The following DGKD variants were observed in gnomAD, a reference collection of about 807,000 sequenced individuals.
DGKD encodes diacylglycerol kinase delta.
DGKD carries 68 observed loss-of-function variants against 154.4 expected under a neutral mutation model. That is an observed-to-expected ratio of 0.44 (90% confidence interval 0.36 to 0.54). The LOEUF is 0.54. DGKD is among the 20% of genes least tolerant of loss of function. The probability of loss-of-function intolerance (pLI) is 0.00; values close to 1 mark genes in which losing one functional copy is unlikely to be tolerated. For missense variants in DGKD, 1,343 were observed against 1,593.6 expected (o/e 0.84, Z 2.68); for synonymous variants, 693 against 638.0 (o/e 1.09, Z -1.30).
At chr2:233,392,728 T>C (rs1370320948) in intron 3 of DGKD, among the ~76,000 whole-genome samples, 1 of 152,232 alleles carries the variant, frequency 6.6e-6, no homozygotes, top group Non-Finnish European at 1.5e-5. Context: ...GTAATAGAAA[T>C]AAATCCTAAA....
intron 16 of DGKD, 51 bp downstream of exon 16, chr2:233,450,182 T>G: frequency 1.3e-6 from 2 of 1,545,234 alleles, no homozygotes; most frequent in South Asian, 1.2e-5. Flanking sequence ...TTGGTTTTGG[T>G]GAGACGTAGC....
chr2:233,460,815 C>A (rs1309369169), intron 24 of DGKD, among the ~76,000 whole-genome samples: 1 of 152,054 alleles, frequency 6.6e-6, no homozygotes, highest in African/African-American at 2.4e-5. Flanking sequence ...TCAGTCGAAC[C>A]CCAGAGGCGG....
Position 233,460,319 on chromosome 2 carries a change from G to T in DGKD, c.2955G>T (p.Gly985=). ...AGGCCACCCAGATGGACCAGTTTGG[G>T]CAGGCAGCAGGGGTCCTCATTCACA... ...EEEATQMDQF[G]QAAGVLIHSI... The change falls in exon 24 of 30, where the codon GGG becomes GGT. Residue 985 remains glycine (G), a synonymous_variant. Transcript: ENST00000264057. 1 of 1,614,040 alleles carries T rather than the reference G, an allele frequency of 6.2e-7. No homozygotes were observed. The highest frequency in any genetic ancestry group is 1.1e-5 in the South Asian group (1 of 91,088).
chr2:233,409,197 G>A (rs1230786573), intron 3 of DGKD: 3 of 152,178 alleles, frequency 2.0e-5, no homozygotes, highest in Non-Finnish European at 2.9e-5. Flanking sequence ...GATTGTATGT[G>A]TTTGAAAAAG....
rs954598166 is a variant in DGKD, at chr2:233,415,575, A to AGG, written c.349-18804_349-18803dup. On this transcript the variant is annotated intron_variant, in intron 3 of 29. Coordinates refer to ENST00000264057, the MANE Select transcript of DGKD (RefSeq NM_152879.3). ...AATTATCTCTGATCTTGATTTTTGT[A>AGG]GGAAATAGGCGTAGATTAAGGCATA... Among the ~76,000 whole-genome samples the AGG allele has an allele frequency of 1.1e-4, 17 of 152,320 alleles. No homozygotes were observed. In the East Asian group the frequency reaches 3.3e-3, roughly 29 times the overall value.
At chr2:233,425,211 G>A (rs1257928302) in intron 3 of DGKD, among the ~76,000 whole-genome samples, 1 of 151,676 alleles carries the variant, frequency 6.6e-6, no homozygotes, top group Admixed American at 6.6e-5. Flanking sequence ...TTTTAAGATG[G>A]AGTCACACCC....
At chr2:233,463,951 C>T (rs2063748104) in intron 26 of DGKD, 1 of 595,572 alleles carries the variant, frequency 1.7e-6, no homozygotes, top group African/African-American at 1.9e-5. Flanking sequence ...TCATCGTTGA[C>T]TGATGGACAG....
intron 1 of DGKD, chr2:233,386,263 C>A: frequency 3.3e-6 from 1 of 304,244 alleles, no homozygotes; most frequent in East Asian, 8.6e-5. Context: ...ACAGTGAGGC[C>A]TTTGAGGTCA....
At chr2:233,419,166 G>T (rs538578313) in intron 3 of DGKD, 3 of 958,900 alleles carry the variant, frequency 3.1e-6, no homozygotes, top group Non-Finnish European at 3.7e-6. Context: ...CTTTCCAAGC[G>T]CTGCAGCCCA....
At chr2:233,389,541 G>A (rs1040788482) in intron 2 of DGKD, among the ~76,000 whole-genome samples, 1 of 149,550 alleles carries the variant, frequency 6.7e-6, no homozygotes, top group Non-Finnish European at 1.5e-5. Context: ...AAAGCAGCTT[G>A]TTTAGAAAGG....
Position 233,446,728 on chromosome 2 carries a change from T to A in DGKD, c.1351T>A (p.Tyr451Asn). The A allele has an allele frequency of 6.2e-7, 1 of 1,614,054 alleles. No individual in the cohort carries two copies. Among genetic ancestry groups the A allele is most frequent in the Non-Finnish European group, 8.5e-7 (1 of 1,180,028 alleles). The change falls in exon 12 of 30, where the codon TAC becomes AAC. Residue 451 changes from tyrosine (Y) to asparagine (N), a missense_variant. Physicochemically the swap from Tyr to Asn is moderately radical, Grantham distance 143 (BLOSUM62 -2). Around this residue, in one of 6 missense-constraint regions of DGKD, gnomAD observed 409 missense variants for 446.0 expected, o/e 0.92. Coordinates refer to ENST00000264057, the MANE Select transcript of DGKD (RefSeq NM_152879.3). Reference protein sequence around the residue: ...KMLDRWSVMAYEAKLPRQASS... With the variant: ...KMLDRWSVMANEAKLPRQASS... ...TGTGTGCAGGTGGAGCGTCATGGCA[T>A]ACGAGGCCAAGCTCCCCCGGCAGGC... is the stretch of plus-strand genomic sequence containing the variant.
At position 233,470,437 on chromosome 2, in the gene DGKD, C is replaced by G. The variant is rs2971872; in HGVS notation, c.*977C>G. 33,556 of 152,348 alleles carry G rather than the reference C, an allele frequency of 0.22. 3,849 individuals are homozygous for G. The highest frequency in any genetic ancestry group is 0.29 in the African/African-American group (12,026 of 41,512). 9.4% of individuals were successfully genotyped at this position (152,348 alleles called of 1,614,324 possible). ...TCCGGTGGCCTGGAGGCCGGAGGCT[C>G]TCCTGAGTGTCTGCCCCTGCAGTGG... is the stretch of plus-strand genomic sequence containing the variant. On this transcript the variant is annotated 3_prime_UTR_variant, in exon 30 of 30. Coordinates refer to ENST00000264057, the MANE Select transcript of DGKD (RefSeq NM_152879.3).
chr2:233,415,677 G>A (rs1575074891), intron 3 of DGKD, among the ~76,000 whole-genome samples: 2 of 152,214 alleles, frequency 1.3e-5, no homozygotes, highest in South Asian at 4.1e-4. Context: ...TGTCTGAAGT[G>A]CAATGGCGTG....
chr2:233,423,454 C>T (rs760349674), intron 3 of DGKD, among the ~76,000 whole-genome samples: 12 of 152,094 alleles, frequency 7.9e-5, no homozygotes, highest in South Asian at 4.2e-4. Flanking sequence ...GTGATAGGTG[C>T]GTAGGGCTCT....
chr2:233,468,041 G>A (rs1254366209), intron 28 of DGKD, among the ~76,000 whole-genome samples: 3 of 152,064 alleles, frequency 2.0e-5, no homozygotes, highest in South Asian at 2.1e-4. Flanking sequence ...CCTGGGACAC[G>A]GGGAAATGAC....
chr2:233,461,537 C>T (rs2063644731), intron 24 of DGKD, among the ~76,000 whole-genome samples: 1 of 152,264 alleles, frequency 6.6e-6, no homozygotes, highest in African/African-American at 2.4e-5. Context: ...CCCCTGTCCT[C>T]GTCTCTCCCC....
At chr2:233,412,800 TG>T (rs2061859452) in intron 3 of DGKD, among the ~76,000 whole-genome samples, 1 of 152,206 alleles carries the variant, frequency 6.6e-6, no homozygotes, top group Admixed American at 6.5e-5. Context: ...TATTAATGGG[TG>T]TTGAATTTTG....
intron 3 of DGKD, among the ~76,000 whole-genome samples, chr2:233,397,459 G>A (rs1280760413): frequency 7.0e-6 from 1 of 143,156 alleles, no homozygotes; most frequent in East Asian, 2.2e-4. Flanking sequence ...CAGAGTGAGA[G>A]GACACCAGAG....
At chr2:233,429,297 A>T (rs2062427352) in intron 3 of DGKD, 3 of 985,182 alleles carry the variant, frequency 3.0e-6, no homozygotes, top group Non-Finnish European at 3.6e-6. Context: ...AGTTATGCAC[A>T]GTAAGGTATA....
Sources: allele counts gnomAD v4.1 joint callset (sites outside exome capture counted in the v4.1 genomes callset), GRCh38; gene constraint gnomAD v4.1.1; regional missense constraint gnomAD v4.1.1; transcripts MANE v1.5; gene names NCBI Gene and HGNC (gene_info 2026-07-23, HGNC 2026-07-21).